The following LOXHD1 variants were observed in gnomAD, a reference collection of about 807,000 sequenced individuals.
LOXHD1 encodes the protein lipoxygenase homology PLAT domains 1.
In LOXHD1, 205 loss-of-function variants were observed where a neutral mutation model predicts 248.2. The observed-to-expected ratio is 0.83, with a 90% CI of 0.74 to 0.93. The LOEUF is 0.93. LOXHD1 is among the 40% of genes least tolerant of loss of function. The pLI, the probability that LOXHD1 is intolerant of heterozygous loss-of-function variation, is 0.00. For missense variants in LOXHD1, 2,930 were observed against 2,971.6 expected (o/e 0.99, Z 0.33); for synonymous variants, 1,113 against 1,162.8 (o/e 0.96, Z 0.87).
chr18:46,610,711 C>G (rs2038494266), intron 6 of LOXHD1, 65 bp downstream of exon 6: 3 of 1,482,428 alleles, frequency 2.0e-6, no homozygotes, highest in Admixed American at 2.4e-5. Context: ...AGATACAACC[C>G]TCTGAAGAAC....
Position 46,610,754 on chromosome 18 carries a change from G to T in LOXHD1, c.759+22C>A, listed in dbSNP as rs1222913340. ...CCCCCCTTCCAAGGCCACAGGGACT[G>T]CAGAGAAGCAGCTGAACTCACCTGG... On this transcript the variant is annotated intron_variant, in intron 6 of 40. Coordinates refer to ENST00000642948, the MANE Select transcript of LOXHD1 (RefSeq NM_001384474.1). 8 of 1,542,850 alleles carry T rather than the reference G, an allele frequency of 5.2e-6. No individual in the cohort carries two copies. In the South Asian group the frequency reaches 9.7e-5, roughly 19 times the overall value.
At chr18:46,515,956 A>T (rs1455885908) in intron 34 of LOXHD1, among the ~76,000 whole-genome samples, 1 of 152,180 alleles carries the variant, frequency 6.6e-6, no homozygotes, top group Non-Finnish European at 1.5e-5. Flanking sequence ...CACGTATGAA[A>T]TCCCGATTCT....
chr18:46,582,654 G>A (rs184899181), intron 12 of LOXHD1, among the ~76,000 whole-genome samples: 23 of 152,250 alleles, frequency 1.5e-4, no homozygotes, highest in Non-Finnish European at 1.9e-4. Context: ...ATCAAAAGCC[G>A]GAGTGTGGTG....
At chr18:46,565,458 T>C (rs561685324) in intron 17 of LOXHD1, among the ~76,000 whole-genome samples, 1 of 152,306 alleles carries the variant, frequency 6.6e-6, no homozygotes, top group Admixed American at 6.5e-5. Flanking sequence ...CTGTGGAATA[T>C]AAAGCCTGTG....
Position 46,601,471 on chromosome 18 carries a change from G to C in LOXHD1, c.884-4C>G. On this transcript the variant is annotated splice_region_variant and splice_polypyrimidine_tract_variant and intron_variant, in intron 7 of 40. Coordinates refer to ENST00000642948, the MANE Select transcript of LOXHD1 (RefSeq NM_001384474.1). ...ACGGTGACAATATACGTAATAGCTG[G>C]TGTGGAAACAACAGGAAAGAGAGTG... The C allele has an allele frequency of 6.4e-7, 1 of 1,551,776 alleles. No individual in the cohort carries two copies. Among genetic ancestry groups the C allele is most frequent in the Non-Finnish European group, 8.7e-7 (1 of 1,147,020 alleles).
At chr18:46,638,883 A>G (rs2038926135) in intron 4 of LOXHD1, among the ~76,000 whole-genome samples, 2 of 152,262 alleles carry the variant, frequency 1.3e-5, no homozygotes, top group South Asian at 4.1e-4. Context: ...GTAGGAAGCC[A>G]CTTCTCATCT....
intron 7 of LOXHD1, among the ~76,000 whole-genome samples, chr18:46,603,584 G>A (rs1481342619): frequency 2.6e-5 from 4 of 152,162 alleles, no homozygotes; most frequent in African/African-American, 7.2e-5. Flanking sequence ...TACAGGTTAG[G>A]GCTTTAGGAA....
chr18:46,523,094 T>C (rs2035659549), intron 31 of LOXHD1, among the ~76,000 whole-genome samples: 1 of 152,212 alleles, frequency 6.6e-6, no homozygotes, highest in South Asian at 2.1e-4. Flanking sequence ...ATTACAGGCA[T>C]GCACCACCAC....
intron 12 of LOXHD1, among the ~76,000 whole-genome samples, chr18:46,589,531 T>C (rs1344872271): frequency 1.3e-5 from 2 of 152,244 alleles, no homozygotes; most frequent in Non-Finnish European, 2.9e-5. Flanking sequence ...AGGCTTAGTA[T>C]GCATACAAAT....
At chr18:46,536,350 C>T (rs922946431) in intron 26 of LOXHD1, among the ~76,000 whole-genome samples, 9 of 151,936 alleles carry the variant, frequency 5.9e-5, no homozygotes, top group African/African-American at 1.9e-4. Flanking sequence ...TTACCGACTC[C>T]GCAATTCAGC....
At chr18:46,618,755 T>C (rs1031017083) in intron 4 of LOXHD1, among the ~76,000 whole-genome samples, 2 of 152,164 alleles carry the variant, frequency 1.3e-5, no homozygotes, top group African/African-American at 4.8e-5. Flanking sequence ...TTTTCCACAT[T>C]GCACCATAGC....
chr18:46,534,705 C>T (rs2036229961), intron 26 of LOXHD1, among the ~76,000 whole-genome samples: 1 of 152,194 alleles, frequency 6.6e-6, no homozygotes, highest in African/African-American at 2.4e-5. Context: ...AGGGGGACCC[C>T]TCTTCAGCAT....
chr18:46,568,868 C>G (rs538432236), intron 16 of LOXHD1, among the ~76,000 whole-genome samples: 7 of 152,308 alleles, frequency 4.6e-5, no homozygotes, highest in African/African-American at 1.4e-4. Context: ...TACTGTTCAG[C>G]TTTCTCTTTG....
rs567898053 is a variant in LOXHD1 at position 46,487,333 on chromosome 18, G to A, written c.6049+1639C>T. On this transcript the variant is annotated intron_variant, in intron 38 of 40. Coordinates refer to ENST00000642948, the MANE Select transcript of LOXHD1 (RefSeq NM_001384474.1). ...GGGCAGCGAATGAGTGATACAGGTT[G>A]TACCAAGAGGGAAAGGGGCAGGATG... is the stretch of plus-strand genomic sequence containing the variant. Among the ~76,000 whole-genome samples, 123 of 152,320 alleles carry A rather than the reference G, an allele frequency of 8.1e-4. 1 individual carries two copies. The highest frequency in any genetic ancestry group is 2.8e-3 in the African/African-American group (115 of 41,576).
chr18:46,610,218 C>T (rs1425567469), intron 6 of LOXHD1, among the ~76,000 whole-genome samples: 2 of 152,196 alleles, frequency 1.3e-5, no homozygotes, highest in African/African-American at 4.8e-5. Flanking sequence ...ACTGGGCTTC[C>T]TGTAAAAAAG....
chr18:46,639,377 T>C (rs1239356649), intron 4 of LOXHD1, among the ~76,000 whole-genome samples: 1 of 152,230 alleles, frequency 6.6e-6, no homozygotes, highest in Non-Finnish European at 1.5e-5. Context: ...CCTTCCATCA[T>C]GCCTCCAATC....
At chr18:46,559,972 C>G (rs2037477450) in intron 19 of LOXHD1, 111 bp downstream of exon 19, 1 of 1,154,866 alleles carries the variant, frequency 8.7e-7, no homozygotes, top group South Asian at 1.5e-5. Flanking sequence ...GGGTGCCCAC[C>G]TATTTGGCCT....
intron 35 of LOXHD1, among the ~76,000 whole-genome samples, chr18:46,509,397 C>T (rs2034804069): frequency 6.6e-6 from 1 of 152,242 alleles, no homozygotes; most frequent in Admixed American, 6.5e-5. Context: ...ACCCTCCCAG[C>T]TGCTGTCCTG....
chr18:46,496,933 G>A (rs1266318148), intron 37 of LOXHD1, among the ~76,000 whole-genome samples: 2 of 152,242 alleles, frequency 1.3e-5, no homozygotes, highest in African/African-American at 2.4e-5. Flanking sequence ...AACCTGGGAG[G>A]CAGAGGTTGC....
Sources: gnomAD v4.1 joint callset for allele counts (sites outside exome capture counted in the v4.1 genomes callset) on GRCh38, gnomAD v4.1.1 for gene constraint, MANE v1.5 for transcripts, NCBI Gene and HGNC (gene_info 2026-07-23, HGNC 2026-07-21) for gene names.